The following KSR2 variants were observed in gnomAD, a reference collection of about 807,000 sequenced individuals.
KSR2 encodes kinase suppressor of ras 2.
Under a neutral mutation model 107.8 loss-of-function variants are expected in KSR2, and 25 were observed. The ratio of observed to expected loss-of-function variants is 0.23; its 90% CI spans 0.17 to 0.32. The LOEUF is 0.32. Ranked by LOEUF, KSR2 falls within the 10% of genes least tolerant of loss-of-function variation. The probability of loss-of-function intolerance (pLI) is 1.00; values close to 1 mark genes in which losing one functional copy is unlikely to be tolerated. For missense variants in KSR2, 887 were observed against 1,268.9 expected (o/e 0.70, Z 4.57); for synonymous variants, 480 against 507.0 (o/e 0.95, Z 0.71).
At chr12:117,591,014 C>T (rs1880280992) in intron 5 of KSR2, among the ~76,000 whole-genome samples, 1 of 152,144 alleles carries the variant, frequency 6.6e-6, no homozygotes, top group Non-Finnish European at 1.5e-5. Flanking sequence ...TTGTGTCACC[C>T]CACTGCCCAC....
chr12:117,634,120 A>G (rs1164101704), intron 5 of KSR2, among the ~76,000 whole-genome samples: 1 of 152,118 alleles, frequency 6.6e-6, no homozygotes, highest in Non-Finnish European at 1.5e-5. Flanking sequence ...CTATACATCA[A>G]ATGAATGGCA....
chr12:117,693,506 G>T (rs556602112), intron 4 of KSR2, among the ~76,000 whole-genome samples: 3 of 152,212 alleles, frequency 2.0e-5, no homozygotes, highest in Non-Finnish European at 4.4e-5. Flanking sequence ...ACTGAAGATG[G>T]GTGGCTGCTT....
At chr12:117,549,994 A>G (rs2137316901) in intron 9 of KSR2, among the ~76,000 whole-genome samples, 1 of 152,306 alleles carries the variant, frequency 6.6e-6, no homozygotes, top group Non-Finnish European at 1.5e-5. Flanking sequence ...CTGTGTCTGA[A>G]CGGGACCAGC....
intron 2 of KSR2, among the ~76,000 whole-genome samples, chr12:117,858,706 C>G (rs778778415): frequency 6.6e-6 from 1 of 152,242 alleles, no homozygotes; most frequent in African/African-American, 2.4e-5. Flanking sequence ...CACAGTGCTT[C>G]TGACCTAAAG....
chr12:117,625,375 C>G (rs1204103704), intron 5 of KSR2, among the ~76,000 whole-genome samples: 1 of 152,050 alleles, frequency 6.6e-6, no homozygotes, highest in Non-Finnish European at 1.5e-5. Flanking sequence ...GAGATACGTC[C>G]CATCATTACC....
chr12:117,731,811 T>C (rs1887725597), intron 4 of KSR2, among the ~76,000 whole-genome samples: 1 of 150,550 alleles, frequency 6.6e-6, no homozygotes, highest in South Asian at 2.2e-4. Context: ...CAAGATGTGC[T>C]TTGTTAAACA....
Position 117,466,900 on chromosome 12 carries a change from C to A in KSR2, c.*299G>T. 2.8e-6 allele frequency: 1 copy of A among 358,240 alleles called. No homozygotes were observed. The highest frequency in any genetic ancestry group is 2.1e-5 in the African/African-American group (1 of 47,882). The allele number at this position is 358,240 out of a possible 1,614,324, so 22.2% of individuals were successfully genotyped here. A position where few individuals can be genotyped will look rare whatever the true frequency, so the allele number is the denominator to read the frequency against. ...GTCCTAGTCCCATAGCCCAAAGGCA[C>A]CACGTGCAGCCTGCAGTGCTCTCAT... On this transcript the variant is annotated 3_prime_UTR_variant, in exon 20 of 20. Transcript: ENST00000339824.
At chr12:117,558,602 G>A (rs2137349716) in intron 7 of KSR2, 29 bp from the exon 8 acceptor site, 2 of 1,588,788 alleles carry the variant, frequency 1.3e-6, no homozygotes, top group East Asian at 4.5e-5. Flanking sequence ...GAGAAAGATG[G>A]ATAGGTGAAT....
intron 14 of KSR2, among the ~76,000 whole-genome samples, chr12:117,506,532 G>A (rs1275622093): frequency 6.6e-6 from 1 of 152,146 alleles, no homozygotes; most frequent in African/African-American, 2.4e-5. Flanking sequence ...AAATCCCCTG[G>A]GTGTCAGAAG....
chr12:117,626,417 T>A (rs1882518759), intron 5 of KSR2, among the ~76,000 whole-genome samples: 2 of 152,220 alleles, frequency 1.3e-5, no homozygotes, highest in South Asian at 4.1e-4. Context: ...TTTGTTCTCA[T>A]TGGTTTCAAA....
chr12:117,920,087 C>A (rs535132244), intron 1 of KSR2, among the ~76,000 whole-genome samples: 1 of 152,130 alleles, frequency 6.6e-6, no homozygotes, highest in Admixed American at 6.5e-5. Context: ...TGGTGGCTCA[C>A]GCCTGTAATA....
At chr12:117,693,134 C>T (rs113765835) in intron 4 of KSR2, among the ~76,000 whole-genome samples, 1 of 152,078 alleles carries the variant, frequency 6.6e-6, no homozygotes, top group Admixed American at 6.5e-5. Context: ...TAAGAGGAAG[C>T]CTGGGAGGCC....
intron 5 of KSR2, among the ~76,000 whole-genome samples, chr12:117,640,069 G>A (rs1422951319): frequency 6.6e-6 from 1 of 151,310 alleles, no homozygotes; most frequent in Non-Finnish European, 1.5e-5. Flanking sequence ...AGCAAGGGGT[G>A]GCAGAGCCCG....
intron 10 of KSR2, among the ~76,000 whole-genome samples, chr12:117,535,605 TGTGTGTGTGTG>T (rs1428160676): frequency 3.1e-4 from 1 of 3,264 alleles, no homozygotes; most frequent in African/African-American, 1.7e-3. Context: ...TTCCTGGAGT[TGTGTGTGTGTG>T]TGTGTGTGTG....
chr12:117,594,035 C>G (rs1173384442), intron 5 of KSR2, among the ~76,000 whole-genome samples: 1 of 152,216 alleles, frequency 6.6e-6, no homozygotes, highest in African/African-American at 2.4e-5. Context: ...TCATCAATTA[C>G]TTACATATTT....
intron 4 of KSR2, among the ~76,000 whole-genome samples, chr12:117,752,759 C>G (rs962245407): frequency 1.3e-5 from 2 of 152,178 alleles, no homozygotes; most frequent in African/African-American, 4.8e-5. Flanking sequence ...CTGAGCTTCT[C>G]CTGCACATTT....
intron 14 of KSR2, among the ~76,000 whole-genome samples, chr12:117,498,580 G>T (rs145327688): frequency 6.6e-6 from 1 of 152,082 alleles, no homozygotes; most frequent in Non-Finnish European, 1.5e-5. Context: ...CCTGTAGCTC[G>T]GGAGGGCTGT....
At chr12:117,875,180 G>T (rs1893796200) in intron 1 of KSR2, among the ~76,000 whole-genome samples, 1 of 152,150 alleles carries the variant, frequency 6.6e-6, no homozygotes, top group Non-Finnish European at 1.5e-5. Context: ...GTCAAGACAT[G>T]TGACAGAGCT....
chr12:117,496,048 G>A (rs548455663), intron 14 of KSR2, among the ~76,000 whole-genome samples: 7 of 84,398 alleles, frequency 8.3e-5, no homozygotes, highest in African/African-American at 3.7e-4. Context: ...GGGAGACTCC[G>A]TCTCAAAAAA....
Sources: gnomAD v4.1 joint callset for allele counts (sites outside exome capture counted in the v4.1 genomes callset) on GRCh38, gnomAD v4.1.1 for gene constraint, MANE v1.5 for transcripts, NCBI Gene and HGNC (gene_info 2026-07-23, HGNC 2026-07-21) for gene names.